The following VPS51 variants were observed in gnomAD, a reference collection of about 807,000 sequenced individuals.
VPS51 encodes the protein VPS51 subunit of GARP complex.
In VPS51, 55 loss-of-function variants were observed where a neutral mutation model predicts 65.1. That is an observed-to-expected ratio of 0.84 (90% CI 0.68 to 1.06). The LOEUF is 1.06. Among genes scored for constraint, VPS51 ranks in the 50% least tolerant of loss-of-function variants. The probability of loss-of-function intolerance (pLI) is 0.00; values close to 1 mark genes in which losing one functional copy is unlikely to be tolerated. For missense variants in VPS51, 943 were observed against 1,101.6 expected, an observed-to-expected ratio of 0.86 and a Z score of 2.04; for synonymous variants, 473 against 489.5, an observed-to-expected ratio of 0.97 and a Z score of 0.44.
In VPS51 at chr11:65,097,030, G is replaced by A; in HGVS notation, c.261G>A (p.Met87Ile). 1 of 1,613,936 alleles carries A rather than the reference G, an allele frequency of 6.2e-7. No individual in the cohort carries two copies. Among genetic ancestry groups the A allele is most frequent in the Non-Finnish European group, 8.5e-7 (1 of 1,180,016 alleles). The change falls in exon 2 of 10, where the codon ATG becomes ATA. Residue 87 changes from methionine (M) to isoleucine (I), a missense_variant. Met to Ile is a conservative substitution (Grantham distance 10). This residue lies in a region of VPS51 where 855 missense variants were observed against 953.7 expected (regional missense o/e 0.90). Transcript: ENST00000279281. Reference sequence around the variant, plus strand: ...GAGAGTGCCCTCTGGCCCAGTTGATGGACAGTGAGACGGACATGGTGCGGC... The same window carrying A: ...GAGAGTGCCCTCTGGCCCAGTTGATAGACAGTGAGACGGACATGGTGCGGC... The part of the protein sequence containing the change: ...LRRECPLAQL[M>I]DSETDMVRQI...
chr11:65,109,734 G>A lies in VPS51; in HGVS notation c.1689G>A (p.Thr563=), dbSNP rs889399033. The change falls in exon 7 of 10, where the codon ACG becomes ACA. Residue 563 remains threonine, a synonymous_variant. Transcript: ENST00000279281. ...AGTTCCCAGTGACGCCCGTGAGCAC[G>A]CTGTGTGCAGAGGCCAGGGAAACGG... is the stretch of plus-strand genomic sequence containing the variant. ...QDQFPVTPVS[T]LCAEARETAR... The A allele has an allele frequency of 9.5e-6, 15 of 1,585,952 alleles. No homozygotes were observed. Among genetic ancestry groups the A allele is most frequent in the East Asian group, 6.9e-5 (3 of 43,712 alleles).
chr11:65,096,518 G>GGGGGGGGGGGGGGGGCC, intron 1 of VPS51, 40 bp downstream of exon 1: 2 of 499,412 alleles, frequency 4.0e-6, no homozygotes, highest in East Asian at 5.2e-5. Context: ...GGGGAGGGGG[G>GGGGGGGGGGGGGGGGCC]AAGGGAACCA....
chr11:65,097,687 C>CA (rs1188048545), intron 2 of VPS51, among the ~76,000 whole-genome samples: 3 of 151,514 alleles, frequency 2.0e-5, no homozygotes, highest in African/African-American at 7.3e-5. Context: ...TCCATCTCTA[C>CA]AAAAAAATAA....
chr11:65,109,681 C>G, intron 6 of VPS51, 24 bp from the exon 7 acceptor site: 6 of 1,544,904 alleles, frequency 3.9e-6, no homozygotes, highest in Non-Finnish European at 4.4e-6. Context: ...CCCACTCCCT[C>G]TGTCCTCTGC....
chr11:65,106,828 T>C (rs1254428277), intron 2 of VPS51, among the ~76,000 whole-genome samples: 1 of 150,826 alleles, frequency 6.6e-6, no homozygotes, highest in African/African-American at 2.4e-5. Flanking sequence ...GGCTCATCCA[T>C]GTGGATGTGC....
At position 65,097,129 on chromosome 11, in the gene VPS51, T is replaced by C. The variant is rs1297031583; in HGVS notation, c.358+2T>C. The C allele has an allele frequency of 6.2e-7, 1 of 1,613,696 alleles. No homozygotes were observed. The highest frequency in any genetic ancestry group is 1.3e-5 in the African/African-American group (1 of 74,918). ...ACAACAAGTTCATCTCAGCCACAGG[T>C]GATCCCCACGGGGACACACCCTCCA... On this transcript the variant is annotated splice_donor_variant, in intron 2 of 9. Coordinates refer to ENST00000279281, the MANE Select transcript of VPS51 (RefSeq NM_013265.4). LOFTEE classifies it high-confidence loss of function.
Position 65,108,915 on chromosome 11 carries a change from G to C in VPS51, c.1443+1G>C, listed in dbSNP as rs1453919527. 13 of 1,612,766 alleles carry C rather than the reference G, an allele frequency of 8.1e-6. No individual in the cohort carries two copies. Among genetic ancestry groups the C allele is most frequent in the Non-Finnish European group, 1.0e-5 (12 of 1,179,904 alleles). ...CTTCTCCAACAAGCCCTACTTCCGG[G>C]TACGCCTCCTCTTGGGTGTTCCTTG... On this transcript the variant is annotated splice_donor_variant, in intron 5 of 9. Transcript: ENST00000279281. LOFTEE classifies it high-confidence loss of function.
At chr11:65,104,624 TTTTG>T (rs1373953278) in intron 2 of VPS51, among the ~76,000 whole-genome samples, 3 of 152,220 alleles carry the variant, frequency 2.0e-5, no homozygotes, top group Non-Finnish European at 4.4e-5. Flanking sequence ...TGCTGCTGGA[TTTTG>T]TTTGCTTATT....
At position 65,108,149 on chromosome 11, in the gene VPS51, T is replaced by G. The variant is rs1227006292; in HGVS notation, c.726-48T>G. On this transcript the variant is annotated intron_variant, in intron 4 of 9. Transcript: ENST00000279281. Reference sequence around the variant, plus strand: ...GCTTTGCTTTCCTGCTCCTGCCCCATCCACCGGCAGCCCCGGCCCTGCCCT... The same window carrying G: ...GCTTTGCTTTCCTGCTCCTGCCCCAGCCACCGGCAGCCCCGGCCCTGCCCT... The G allele has an allele frequency of 6.3e-6, 10 of 1,578,972 alleles. No individual in the cohort carries two copies. In the South Asian group the frequency reaches 6.7e-5, roughly 11 times the overall value.
rs543093335 is a variant in VPS51, at chr11:65,111,695, T to C, written c.*108T>C. ...GGTGTCAGGACCGGCCTAATAAACATGTGTGGCCTCCTCCTCTCGCTTGCT... is the reference window on the plus strand; with the variant it reads ...GGTGTCAGGACCGGCCTAATAAACACGTGTGGCCTCCTCCTCTCGCTTGCT... On this transcript the variant is annotated 3_prime_UTR_variant, in exon 10 of 10. Transcript: ENST00000279281. 7.0e-7 allele frequency: 1 copy of C among 1,420,976 alleles called. No individual in the cohort carries two copies. The highest frequency in any genetic ancestry group is 1.4e-5 in the South Asian group (1 of 69,872). The allele number at this position is 1,420,976 out of a possible 1,614,324, so 88.0% of individuals were successfully genotyped here.
intron 1 of VPS51, chr11:65,096,771 C>T: frequency 1.4e-6 from 1 of 718,344 alleles, no homozygotes; most frequent in East Asian, 2.7e-5. Flanking sequence ...TGGGCTTAGG[C>T]CGAGCCCCAG....
Position 65,108,769 on chromosome 11 carries a change from G to A in VPS51, c.1298G>A (p.Arg433His), listed in dbSNP as rs1947864847. 1.2e-6 allele frequency: 2 copies of A among 1,612,492 alleles called. No homozygotes were observed. Among genetic ancestry groups the A allele is most frequent in the Admixed American group, 3.3e-5 (2 of 60,006 alleles). Reference protein sequence around the residue: ...TDVRQALAAPRVAGKEGPGLA... With the variant: ...TDVRQALAAPHVAGKEGPGLA... ...GTCCGCCAGGCGCTGGCAGCACCTCGCGTGGCTGGGAAGGAGGGCCCTGGC... is the reference window on the plus strand; with the variant it reads ...GTCCGCCAGGCGCTGGCAGCACCTCACGTGGCTGGGAAGGAGGGCCCTGGC... Residue 433 changes from arginine (R) to histidine (H), a missense_variant, in exon 5 of 10, where the codon CGC becomes CAC. Arg to His is a conservative substitution (Grantham distance 29, BLOSUM62 0). Transcript: ENST00000279281.
intron 6 of VPS51, 104 bp from the exon 7 acceptor site, chr11:65,109,601 C>T (rs1947874435): frequency 1.3e-6 from 2 of 1,517,712 alleles, no homozygotes; most frequent in East Asian, 4.8e-5. Context: ...TGTGTGTACC[C>T]CAGCCTCCAC....
rs769245224 is a variant in VPS51, at chr11:65,109,411, G to A, written c.1575G>A (p.Leu525=). The change falls in exon 6 of 10, where the codon CTG becomes CTA. Residue 525 remains leucine, a synonymous_variant. Coordinates refer to ENST00000279281, the MANE Select transcript of VPS51 (RefSeq NM_013265.4). The part of the protein sequence containing the change: ...KGGATPPALL[L]LLSRLCLDYE... ...GTGCCACACCACCTGCCCTGCTCCTGCTGCTCTCCCGCCTCTGCCTGGACT... is the reference window on the plus strand; with the variant it reads ...GTGCCACACCACCTGCCCTGCTCCTACTGCTCTCCCGCCTCTGCCTGGACT... 37 of 1,611,004 alleles carry A rather than the reference G, an allele frequency of 2.3e-5. No individual in the cohort carries two copies. Among genetic ancestry groups the A allele is most frequent in the Non-Finnish European group, 2.3e-5 (27 of 1,180,016 alleles).
At position 65,108,562 on chromosome 11, in the gene VPS51, A is replaced by G; in HGVS notation, c.1091A>G (p.Asp364Gly). The G allele has an allele frequency of 3.8e-6, 6 of 1,563,556 alleles. No individual in the cohort carries two copies. The highest frequency in any genetic ancestry group is 4.3e-6 in the Non-Finnish European group (5 of 1,161,816). ...CTGGCGCAGGAGCAGGGTGGTGGTG[A>G]CAACTCACTGCTGGTGCGGGCGCTG... ...RRLAQEQGGG[D>G]NSLLVRALDR... is the part of the protein sequence containing the mutation. The change falls in exon 5 of 10, where the codon GAC becomes GGC. Residue 364 changes from aspartate (D) to glycine (G), a missense_variant. Asp to Gly is a moderately conservative substitution (Grantham distance 94). Around this residue, in one of 2 missense-constraint regions of VPS51, gnomAD observed 855 missense variants for 953.7 expected, o/e 0.90. Coordinates refer to ENST00000279281, the MANE Select transcript of VPS51 (RefSeq NM_013265.4).
rs376718956 is a variant in VPS51, at chr11:65,109,339, G to T, written c.1503G>T (p.Met501Ile). The part of the protein sequence containing the change: ...EGLIVGFVHS[M>I]CQTAQSFCDS... ...TCATCGTGGGCTTCGTCCACTCTAT[G>T]TGCCAGACGGCTCAGAGCTTCTGCG... Residue 501 changes from methionine (M) to isoleucine (I), a missense_variant, in exon 6 of 10, where the codon ATG (methionine) becomes ATT (isoleucine). Met to Ile is a conservative substitution (Grantham distance 10). Coordinates refer to ENST00000279281, the MANE Select transcript of VPS51 (RefSeq NM_013265.4). 1.3e-4 allele frequency: 217 copies of T among 1,613,500 alleles called. No homozygotes were observed. Among genetic ancestry groups the T allele is most frequent in the Non-Finnish European group, 1.7e-4 (202 of 1,179,986 alleles).
rs117595559 is a variant in VPS51 at position 65,101,518 on chromosome 11, C to T, written c.358+4391C>T. Among the ~76,000 whole-genome samples, 872 of 151,970 alleles carry T rather than the reference C, an allele frequency of 5.7e-3. 35 individuals are homozygous for T. In the East Asian group the frequency reaches 0.11, roughly 19 times the overall value. On this transcript the variant is annotated intron_variant, in intron 2 of 9. Coordinates refer to ENST00000279281, the MANE Select transcript of VPS51 (RefSeq NM_013265.4). ...GGATTATGGCTCATACCTATAATCC[C>T]AACACTTTGTGAGGCAGAGGCAGGC...
intron 2 of VPS51, among the ~76,000 whole-genome samples, chr11:65,101,984 T>G (rs987599794): frequency 1.4e-5 from 2 of 147,732 alleles, no homozygotes; most frequent in Admixed American, 6.8e-5. Context: ...TGGCTTTCAC[T>G]CTCCCTGGTT....
At chr11:65,096,564 C>A in intron 1 of VPS51, 86 bp downstream of exon 1, 1 of 1,228,082 alleles carries the variant, frequency 8.1e-7, no homozygotes, top group South Asian at 1.6e-5. Flanking sequence ...ATCATGCCTC[C>A]GACTTTTTGT....
Sources: allele counts gnomAD v4.1 joint callset (sites outside exome capture counted in the v4.1 genomes callset), GRCh38; gene constraint gnomAD v4.1.1; regional missense constraint gnomAD v4.1.1; transcripts MANE v1.5; gene names NCBI Gene and HGNC (gene_info 2026-07-23, HGNC 2026-07-21).